Variants in PREX2 observed in about 807,000 individuals in gnomAD.
The protein encoded by PREX2 is phosphatidylinositol 3,4,5-trisphosphate-dependent Rac exchanger 2 protein.
Under a neutral mutation model 203.2 loss-of-function variants are expected in PREX2, and 107 were observed. That is an observed-to-expected ratio of 0.53 (90% confidence interval 0.45 to 0.62). PREX2 has a LOEUF of 0.62. Ranked by LOEUF, PREX2 falls within the 20% of genes least tolerant of loss-of-function variation. The probability of loss-of-function intolerance (pLI) is 0.00; values close to 1 mark genes in which losing one functional copy is unlikely to be tolerated. For missense variants in PREX2, 1,777 were observed against 1,955.9 expected, an observed-to-expected ratio of 0.91 and a Z score of 1.72; for synonymous variants, 672 against 663.6, an observed-to-expected ratio of 1.01 and a Z score of -0.19.
At chr8:68,092,017 T>C (rs996672348) in intron 20 of PREX2, among the ~76,000 whole-genome samples, 9 of 152,142 alleles carry the variant, frequency 5.9e-5, no homozygotes, top group South Asian at 4.1e-4. Context: ...ATGAGGTTAC[T>C]GACGTGGCTG....
intron 9 of PREX2, among the ~76,000 whole-genome samples, chr8:68,054,712 G>A (rs971745592): frequency 9.2e-5 from 14 of 152,114 alleles, no homozygotes; most frequent in African/African-American, 2.9e-4. Flanking sequence ...TTACACTGCC[G>A]ATTTGTTCAA....
chr8:67,960,361 C>T (rs1305708329), intron 1 of PREX2, among the ~76,000 whole-genome samples: 1 of 151,866 alleles, frequency 6.6e-6, no homozygotes, highest in Non-Finnish European at 1.5e-5. Flanking sequence ...TTTTTTTTCC[C>T]CTCCATAAAC....
Position 68,069,075 on chromosome 8 carries a change from G to T in PREX2, c.1382G>T (p.Arg461Ile), listed in dbSNP as rs1585755783. ...TTCAAACCAGAACAGATGTTATATA[G>T]ATTTCGCTATGATGATGGAACATTT... ...HQFKPEQMLY[R>I]FRYDDGTFYP... Residue 461 changes from arginine to isoleucine, a missense_variant, in exon 12 of 40, where the codon AGA (arginine) becomes ATA (isoleucine). Transcript: ENST00000288368. 1.3e-6 allele frequency: 2 copies of T among 1,568,652 alleles called. No individual in the cohort carries two copies. Among genetic ancestry groups the T allele is most frequent in the Non-Finnish European group, 1.7e-6 (2 of 1,159,920 alleles).
rs376350635 is a variant in PREX2 at position 68,072,578 on chromosome 8, G to A, written c.1569+8G>A. On this transcript the variant is annotated splice_region_variant and intron_variant, in intron 14 of 39. Transcript: ENST00000288368. ...GACTGGTTAATTGCACAGGTAAATAGACAAATAGAAGTTGCTGAGTTTCAC... is the reference window on the plus strand; with the variant it reads ...GACTGGTTAATTGCACAGGTAAATAAACAAATAGAAGTTGCTGAGTTTCAC... 2 of 1,530,936 alleles carry A rather than the reference G, an allele frequency of 1.3e-6. No individual in the cohort carries two copies. Among genetic ancestry groups the A allele is most frequent in the Non-Finnish European group, 1.8e-6 (2 of 1,106,978 alleles). The allele number at this position is 1,530,936 out of a possible 1,614,324, so 94.8% of individuals were successfully genotyped here.
intron 37 of PREX2, among the ~76,000 whole-genome samples, chr8:68,213,764 C>G (rs1035140263): frequency 1.3e-5 from 2 of 152,164 alleles, no homozygotes; most frequent in African/African-American, 4.8e-5. Context: ...TTCTGTATAA[C>G]TTTGCTACCT....
chr8:68,130,172 C>A (rs1463269851), intron 31 of PREX2, among the ~76,000 whole-genome samples: 2 of 151,618 alleles, frequency 1.3e-5, no homozygotes, highest in African/African-American at 4.8e-5. Context: ...CACCTGCAGT[C>A]CCAGCTATTT....
chr8:67,962,197 T>C (rs1366315522), intron 1 of PREX2, among the ~76,000 whole-genome samples: 1 of 152,232 alleles, frequency 6.6e-6, no homozygotes, highest in South Asian at 2.1e-4. Flanking sequence ...TTATAGATGG[T>C]GACACATTTT....
At chr8:68,021,915 C>G in intron 3 of PREX2, 121 bp from the exon 4 acceptor site, 1 of 598,904 alleles carries the variant, frequency 1.7e-6, no homozygotes, top group Non-Finnish European at 3.0e-6. Flanking sequence ...TAGCTGTATA[C>G]ACGCAGTATA....
intron 37 of PREX2, among the ~76,000 whole-genome samples, chr8:68,200,457 T>C (rs1197994083): frequency 1.3e-5 from 2 of 152,068 alleles, no homozygotes; most frequent in African/African-American, 4.8e-5. Context: ...GTCAACTAGA[T>C]AAATAATACA....
At chr8:68,158,113 G>GTA (rs5892141) in intron 35 of PREX2, among the ~76,000 whole-genome samples, 4 of 146,834 alleles carry the variant, frequency 2.7e-5, no homozygotes, top group South Asian at 2.1e-4. Context: ...ATATATGTGT[G>GTA]TATATATATG....
chr8:68,223,288 CTTTG>C (rs977484495), intron 38 of PREX2: 13 of 152,042 alleles, frequency 8.6e-5, no homozygotes, highest in Admixed American at 3.9e-4. Flanking sequence ...AAAAAGTTTT[CTTTG>C]TTTGTTTTGT....
chr8:68,000,545 G>A (rs1176526166), intron 1 of PREX2, among the ~76,000 whole-genome samples: 1 of 152,144 alleles, frequency 6.6e-6, no homozygotes. Flanking sequence ...CAAATTCAAT[G>A]TTATTCCTTT....
intron 1 of PREX2, among the ~76,000 whole-genome samples, chr8:67,982,584 AT>A (rs1227231475): frequency 6.6e-6 from 1 of 152,196 alleles, no homozygotes; most frequent in Non-Finnish European, 1.5e-5. Context: ...TGGGTAAAAT[AT>A]TTAAAAAATA....
intron 38 of PREX2, among the ~76,000 whole-genome samples, chr8:68,222,318 G>A (rs1400168237): frequency 1.3e-5 from 2 of 151,290 alleles, no homozygotes; most frequent in East Asian, 3.9e-4. Context: ...GACAAGTCTG[G>A]AACATCTTGA....
In PREX2 at chr8:67,984,198, C is replaced by G. The variant is rs754295271; in HGVS notation, c.141+31663C>G. Among the ~76,000 whole-genome samples the G allele has an allele frequency of 4.5e-4, 68 of 152,286 alleles. 1 individual carries two copies. Among genetic ancestry groups the G allele is most frequent in the Admixed American group, 9.2e-4 (14 of 15,298 alleles). ...CTCCATCTTCTCTTCTACTTCTGAA[C>G]CTTGAAAATAAATATTTGTGCAGCA... is the stretch of plus-strand genomic sequence containing the variant. On this transcript the variant is annotated intron_variant, in intron 1 of 39. Transcript: ENST00000288368.
intron 6 of PREX2, among the ~76,000 whole-genome samples, chr8:68,037,449 CAG>C (rs1271188673): frequency 6.6e-6 from 1 of 152,174 alleles, no homozygotes; most frequent in African/African-American, 2.4e-5. Context: ...GTGTCCAACT[CAG>C]GGGGCAGCTT....
At chr8:68,023,199 GAAAC>G (rs1705645123) in intron 4 of PREX2, among the ~76,000 whole-genome samples, 2 of 152,150 alleles carry the variant, frequency 1.3e-5, no homozygotes, top group African/African-American at 4.8e-5. Context: ...AACTAATTAA[GAAAC>G]TGCCAAACTA....
At chr8:67,992,856 T>A (rs1228683559) in intron 1 of PREX2, among the ~76,000 whole-genome samples, 1 of 152,198 alleles carries the variant, frequency 6.6e-6, no homozygotes, top group Non-Finnish European at 1.5e-5. Context: ...TAGGGGGTCA[T>A]AACTAGTACC....
intron 1 of PREX2, among the ~76,000 whole-genome samples, chr8:68,016,250 A>G (rs1393048890): frequency 6.6e-6 from 1 of 152,198 alleles, no homozygotes; most frequent in East Asian, 1.9e-4. Flanking sequence ...ACATTAGCAC[A>G]CACCAATATT....
Sources: gnomAD v4.1 joint callset for allele counts (sites outside exome capture counted in the v4.1 genomes callset) on GRCh38, gnomAD v4.1.1 for gene constraint, MANE v1.5 for transcripts, NCBI Gene and HGNC (gene_info 2026-07-23, HGNC 2026-07-21) for gene names.